NAV2: variants seen among roughly 807,000 people sequenced by gnomAD.
NAV2 encodes neuron navigator 2.
NAV2 carries 54 observed loss-of-function variants against 223.2 expected under a neutral mutation model. The ratio of observed to expected loss-of-function variants is 0.24; its 90% CI spans 0.19 to 0.30. NAV2 has a LOEUF of 0.30. NAV2 is among the 10% of genes least tolerant of loss of function. The probability of loss-of-function intolerance (pLI) is 1.00; values close to 1 mark genes in which losing one functional copy is unlikely to be tolerated. For missense variants in NAV2, 2,806 were observed against 3,147.5 expected (o/e 0.89, Z 2.60); for synonymous variants, 1,279 against 1,239.3 (o/e 1.03, Z -0.67).
intron 11 of NAV2, among the ~76,000 whole-genome samples, chr11:20,005,566 GAA>G (rs59651537): frequency 0.08 from 11,131 of 138,982 alleles, 480 homozygotes; most frequent in South Asian, 0.13. Context: ...TTAAAAAAAA[GAA>G]AAAAAAAAAA....
chr11:19,840,942 G>C (rs192331271), intron 2 of NAV2, among the ~76,000 whole-genome samples: 1 of 152,300 alleles, frequency 6.6e-6, no homozygotes, highest in East Asian at 1.9e-4. Context: ...AAGTTTACAA[G>C]CTAGCAATAT....
At chr11:19,486,885 C>A (rs1239367696) in intron 1 of NAV2, among the ~76,000 whole-genome samples, 1 of 152,164 alleles carries the variant, frequency 6.6e-6, no homozygotes, top group Non-Finnish European at 1.5e-5. Context: ...CATTGGAACA[C>A]CTTCTGGGAT....
chr11:19,434,656 G>C (rs16936744), intron 1 of NAV2, among the ~76,000 whole-genome samples: 9,973 of 152,146 alleles, frequency 0.066, 1,079 homozygotes, highest in African/African-American at 0.23. Context: ...AGCTCCTAAG[G>C]CATTTTCCTC....
chr11:19,453,249 G>C (rs1851850524), intron 1 of NAV2, among the ~76,000 whole-genome samples: 1 of 152,144 alleles, frequency 6.6e-6, no homozygotes. Context: ...CTCATCATAG[G>C]TGTTCAAAAT....
intron 1 of NAV2, among the ~76,000 whole-genome samples, chr11:19,735,328 C>G (rs748386528): frequency 1.6e-4 from 24 of 152,284 alleles, no homozygotes; most frequent in Middle Eastern, 3.4e-3. Context: ...ATGGGTGGTA[C>G]TAGAGAGTCT....
rs1010642910 is a variant in NAV2, at chr11:20,120,051, C to G, written c.*1793C>G. On this transcript the variant is annotated 3_prime_UTR_variant, in exon 38 of 38. Coordinates refer to ENST00000349880, the MANE Select transcript of NAV2 (RefSeq NM_145117.5). Reference sequence around the variant, plus strand: ...TTTGTTTCTGTTTTGTAAAGAGAATCCTTATTGGACACCAGTGAAGGTGTC... The same window carrying G: ...TTTGTTTCTGTTTTGTAAAGAGAATGCTTATTGGACACCAGTGAAGGTGTC... 1.3e-5 allele frequency: 2 copies of G among 152,120 alleles called. No individual in the cohort carries two copies. Among genetic ancestry groups the G allele is most frequent in the Admixed American group, 6.6e-5 (1 of 15,260 alleles). 9.4% of individuals were successfully genotyped at this position (152,120 alleles called of 1,614,324 possible). A position where few individuals can be genotyped will look rare whatever the true frequency, so the allele number is the denominator to read the frequency against.
intron 1 of NAV2, among the ~76,000 whole-genome samples, chr11:19,474,087 G>A (rs1016123622): frequency 6.6e-6 from 1 of 152,152 alleles, no homozygotes; most frequent in African/African-American, 2.4e-5. Flanking sequence ...TCATTGCTCT[G>A]TGCCAGAAAT....
At chr11:19,753,792 G>A (rs547951188) in intron 1 of NAV2, among the ~76,000 whole-genome samples, 1 of 152,344 alleles carries the variant, frequency 6.6e-6, no homozygotes, top group South Asian at 2.1e-4. Flanking sequence ...CCTCATTCCA[G>A]GCCCATGGAG....
chr11:19,927,744 A>G lies in NAV2; in HGVS notation c.932-5432A>G, dbSNP rs544748043. On this transcript the variant is annotated intron_variant, in intron 6 of 37. Transcript: ENST00000349880. ...AAACCTGTTTAAGGGCTCTGCAATCAGCATTTTAGAACAGACTAGAGTAGC... is the reference window on the plus strand; with the variant it reads ...AAACCTGTTTAAGGGCTCTGCAATCGGCATTTTAGAACAGACTAGAGTAGC... Among the ~76,000 whole-genome samples, 3 of 152,300 alleles carry G rather than the reference A, an allele frequency of 2.0e-5. No individual in the cohort carries two copies. The South Asian group carries it at 6.2e-4, about 32-fold the overall frequency.
chr11:19,587,460 T>C (rs2135101995), intron 1 of NAV2, among the ~76,000 whole-genome samples: 1 of 152,316 alleles, frequency 6.6e-6, no homozygotes, highest in East Asian at 1.9e-4. Flanking sequence ...ACCCATCTTC[T>C]GCGTCGCTCA....
intron 1 of NAV2, among the ~76,000 whole-genome samples, chr11:19,528,869 G>A (rs1260796642): frequency 1.4e-5 from 2 of 142,330 alleles, no homozygotes; most frequent in African/African-American, 5.2e-5. Flanking sequence ...GGTGGAGTTT[G>A]CAGTTAGCTG....
chr11:19,494,663 A>G (rs1199816906), intron 1 of NAV2, among the ~76,000 whole-genome samples: 2 of 152,178 alleles, frequency 1.3e-5, no homozygotes, highest in African/African-American at 4.8e-5. Context: ...ATAAGGATAC[A>G]AAGACCCCAC....
intron 3 of NAV2, among the ~76,000 whole-genome samples, chr11:19,867,828 G>T (rs1347392966): frequency 6.6e-6 from 1 of 152,204 alleles, no homozygotes; most frequent in East Asian, 1.9e-4. Flanking sequence ...AATGCCAAAT[G>T]TCAATAGGTG....
chr11:19,475,498 T>A (rs749610727), intron 1 of NAV2, among the ~76,000 whole-genome samples: 1 of 152,152 alleles, frequency 6.6e-6, no homozygotes, highest in Non-Finnish European at 1.5e-5. Flanking sequence ...AGGACAATGG[T>A]CTATTTTGTT....
rs139123827 is a variant in NAV2 at position 19,828,042 on chromosome 11, G to A, written c.268-4442G>A. Among the ~76,000 whole-genome samples the A allele has an allele frequency of 3.3e-3, 501 of 152,298 alleles. 4 individuals are homozygous for A. Among genetic ancestry groups the A allele is most frequent in the African/African-American group, 0.011 (476 of 41,568 alleles). ...ATCTGTAGTCCCAGCTACTCGGGAG[G>A]CTGAAGCAGGATGATCATTTGAGTC... On this transcript the variant is annotated intron_variant, in intron 1 of 37. Transcript: ENST00000349880.
At chr11:19,765,347 C>T (rs1324360167) in intron 1 of NAV2, among the ~76,000 whole-genome samples, 2 of 151,602 alleles carry the variant, frequency 1.3e-5, no homozygotes, top group Non-Finnish European at 2.9e-5. Flanking sequence ...CCTCCTCTTC[C>T]TCCTCATCCT....
intron 1 of NAV2, among the ~76,000 whole-genome samples, chr11:19,446,279 A>G (rs1851578857): frequency 1.3e-5 from 2 of 152,008 alleles, no homozygotes; most frequent in African/African-American, 2.4e-5. Flanking sequence ...CCCTCCCACC[A>G]CCAGAGAATC....
chr11:19,833,395 A>G lies in NAV2; in HGVS notation c.385+794A>G, dbSNP rs550351925. ...CTTCAAGTGTGAGAAGTAGTCTTTC[A>G]TAGTTGGAGCTCTGCTCAAATCCGT... On this transcript the variant is annotated intron_variant, in intron 2 of 37. Coordinates refer to ENST00000349880, the MANE Select transcript of NAV2 (RefSeq NM_145117.5). Among the ~76,000 whole-genome samples, 51 of 152,332 alleles carry G rather than the reference A, an allele frequency of 3.3e-4. No homozygotes were observed. The South Asian group carries it at 0.01, about 30-fold the overall frequency.
intron 1 of NAV2, among the ~76,000 whole-genome samples, chr11:19,415,801 A>G (rs1241675290): frequency 1.3e-5 from 2 of 152,204 alleles, no homozygotes; most frequent in Non-Finnish European, 2.9e-5. Flanking sequence ...TACACAAATC[A>G]ATAAACATAT....
Sources: allele counts gnomAD v4.1 joint callset (sites outside exome capture counted in the v4.1 genomes callset), GRCh38; gene constraint gnomAD v4.1.1; transcripts MANE v1.5; gene names NCBI Gene and HGNC (gene_info 2026-07-23, HGNC 2026-07-21).